The following BEND7 variants were observed in gnomAD, a reference collection of about 807,000 sequenced individuals.
The protein encoded by BEND7 is BEN domain-containing protein 7.
In BEND7, 28 loss-of-function variants were observed where a neutral mutation model predicts 50.9. The observed-to-expected ratio is 0.55, with a 90% CI of 0.41 to 0.75. BEND7 has a LOEUF of 0.75. BEND7 is among the 30% of genes least tolerant of loss of function. The pLI is 0.00. For missense variants in BEND7, 477 were observed against 491.3 expected (o/e 0.97, Z 0.28); for synonymous variants, 170 against 183.9 (o/e 0.92, Z 0.61).
chr10:13,469,049 G>C (rs969085471), intron 6 of BEND7, among the ~76,000 whole-genome samples: 3 of 152,220 alleles, frequency 2.0e-5, no homozygotes, highest in African/African-American at 7.2e-5. Flanking sequence ...TTTGCCCCCA[G>C]GTAGTTGTAC....
At chr10:13,490,255 A>G (rs1240529095) in intron 5 of BEND7, among the ~76,000 whole-genome samples, 1 of 152,258 alleles carries the variant, frequency 6.6e-6, no homozygotes, top group Non-Finnish European at 1.5e-5. Context: ...ATGGGTTTCC[A>G]GTGTCACTTT....
intron 1 of BEND7, among the ~76,000 whole-genome samples, chr10:13,526,432 G>A: frequency 6.6e-6 from 1 of 152,122 alleles, no homozygotes; most frequent in Non-Finnish European, 1.5e-5. Flanking sequence ...AGATTACTTT[G>A]GCTTTAGAAG....
At chr10:13,508,169 C>A (rs1244968979) in intron 2 of BEND7, among the ~76,000 whole-genome samples, 2 of 152,108 alleles carry the variant, frequency 1.3e-5, no homozygotes, top group African/African-American at 4.8e-5. Flanking sequence ...CTTTCCAGAC[C>A]CCATTAACAT....
In BEND7 at chr10:13,500,074, T is replaced by G; in HGVS notation, c.152A>C (p.Glu51Ala). The G allele has an allele frequency of 6.3e-7, 1 of 1,591,238 alleles. No homozygotes were observed. Among genetic ancestry groups the G allele is most frequent in the Non-Finnish European group, 8.6e-7 (1 of 1,163,422 alleles). The change falls in exon 3 of 9, where the codon GAA becomes GCA. Residue 51 changes from glutamate (E) to alanine (A), a missense_variant. Coordinates refer to ENST00000466271, the MANE Select transcript of BEND7 (RefSeq NM_001369863.1). Reference sequence around the variant, plus strand: ...AATTTGCTTTTTTATTTCCATGCTTTCATCTCCTAATGGAAACAGGGCCAA... The same window carrying G: ...AATTTGCTTTTTTATTTCCATGCTTGCATCTCCTAATGGAAACAGGGCCAA... ...KETQPIFLGDESMEIKKQITG... is the reference protein window; with the variant it reads ...KETQPIFLGDASMEIKKQITG...
intron 6 of BEND7, among the ~76,000 whole-genome samples, chr10:13,474,047 T>C (rs2075186551): frequency 6.6e-6 from 1 of 152,038 alleles, no homozygotes; most frequent in Admixed American, 6.6e-5. Flanking sequence ...ATTATCGCTC[T>C]TAGATTTGGG....
At chr10:13,472,404 A>C (rs982739969) in intron 6 of BEND7, among the ~76,000 whole-genome samples, 2 of 151,912 alleles carry the variant, frequency 1.3e-5, no homozygotes, top group African/African-American at 4.8e-5. Flanking sequence ...CTCAGGGCCG[A>C]TATCTGTCAT....
chr10:13,512,825 C>A (rs1023017410), intron 2 of BEND7, among the ~76,000 whole-genome samples: 1 of 152,130 alleles, frequency 6.6e-6, no homozygotes, highest in African/African-American at 2.4e-5. Context: ...TTCACAATGG[C>A]TTTTTCTTCC....
chr10:13,484,139 G>A (rs1336715478), intron 5 of BEND7, among the ~76,000 whole-genome samples: 1 of 152,168 alleles, frequency 6.6e-6, no homozygotes, highest in Non-Finnish European at 1.5e-5. Context: ...GGAGGCGGTG[G>A]TGGCAGCGGC....
intron 6 of BEND7, among the ~76,000 whole-genome samples, chr10:13,473,663 T>G (rs996378340): frequency 2.0e-5 from 3 of 149,986 alleles, no homozygotes; most frequent in Admixed American, 6.7e-5. Flanking sequence ...GGGGCTGGTA[T>G]CCATCATCGC....
At chr10:13,512,258 G>A (rs576912497) in intron 2 of BEND7, among the ~76,000 whole-genome samples, 12 of 152,306 alleles carry the variant, frequency 7.9e-5, no homozygotes, top group African/African-American at 2.6e-4. Context: ...AACATAGCGA[G>A]ATCCTGTCTC....
intron 5 of BEND7, among the ~76,000 whole-genome samples, chr10:13,487,369 A>ATTTCT (rs1163016353): frequency 1.5e-5 from 2 of 134,518 alleles, no homozygotes; most frequent in Non-Finnish European, 3.1e-5. Context: ...CATGGCCTCA[A>ATTTCT]TTTCTTTTCT....
chr10:13,454,958 G>T (rs543990899), intron 6 of BEND7, among the ~76,000 whole-genome samples: 99 of 152,248 alleles, frequency 6.5e-4, no homozygotes, highest in African/African-American at 2.3e-3. Context: ...GATCACTTGA[G>T]GTCAGGAGTT....
intron 5 of BEND7, among the ~76,000 whole-genome samples, chr10:13,490,029 T>G (rs2076535225): frequency 6.6e-6 from 1 of 152,222 alleles, no homozygotes; most frequent in East Asian, 1.9e-4. Context: ...TGGTTCTGAT[T>G]AGAACTTAGT....
chr10:13,441,341 A>C lies in BEND7; in HGVS notation c.*402T>G. 9.8e-7 allele frequency: 1 copy of C among 1,017,868 alleles called. No homozygotes were observed. The highest frequency in any genetic ancestry group is 1.2e-6 in the Non-Finnish European group (1 of 851,930). The allele number at this position is 1,017,868 out of a possible 1,614,324, so 63.1% of individuals were successfully genotyped here. On this transcript the variant is annotated 3_prime_UTR_variant, in exon 9 of 9. Coordinates refer to ENST00000466271, the MANE Select transcript of BEND7 (RefSeq NM_001369863.1). Reference sequence around the variant, plus strand: ...AGCCTATAAAAAGGTTTCTGAATAAAGACTGAACAGTAGTCACAGTAAGTA... The same window carrying C: ...AGCCTATAAAAAGGTTTCTGAATAACGACTGAACAGTAGTCACAGTAAGTA...
intron 6 of BEND7, among the ~76,000 whole-genome samples, chr10:13,468,667 G>A (rs1279910704): frequency 6.6e-6 from 1 of 152,208 alleles, no homozygotes; most frequent in Non-Finnish European, 1.5e-5. Flanking sequence ...CAAGGACAGA[G>A]TGATGCACAG....
At chr10:13,514,617 A>G (rs2078526437) in intron 2 of BEND7, among the ~76,000 whole-genome samples, 2 of 152,154 alleles carry the variant, frequency 1.3e-5, no homozygotes, top group South Asian at 4.1e-4. Flanking sequence ...ACCCTGCTCT[A>G]CCGTGTGCCG....
At chr10:13,440,633 G>A (rs1179121684), downstream of BEND7, among the ~76,000 whole-genome samples, 1 of 152,270 alleles carries the variant, frequency 6.6e-6, no homozygotes, top group African/African-American at 2.4e-5. Context: ...GCGGGGGGCA[G>A]GTGCCCGGCG....
chr10:13,484,093 C>T (rs1346830381), intron 5 of BEND7, among the ~76,000 whole-genome samples: 1 of 152,178 alleles, frequency 6.6e-6, no homozygotes, highest in Non-Finnish European at 1.5e-5. Flanking sequence ...CACCCCTTTG[C>T]AAGCACCTTA....
chr10:13,484,428 C>T (rs2076081454), intron 5 of BEND7, among the ~76,000 whole-genome samples: 1 of 152,216 alleles, frequency 6.6e-6, no homozygotes, highest in Non-Finnish European at 1.5e-5. Flanking sequence ...TAATGATCCA[C>T]ATCTTTGTAC....
Sources: gnomAD v4.1 joint callset for allele counts (sites outside exome capture counted in the v4.1 genomes callset) on GRCh38, gnomAD v4.1.1 for gene constraint, MANE v1.5 for transcripts, NCBI Gene and HGNC (gene_info 2026-07-23, HGNC 2026-07-21) for gene names.